DCDC2: variants seen among roughly 807,000 people sequenced by gnomAD.
DCDC2 encodes the protein doublecortin domain-containing protein 2.
Under a neutral mutation model 50.2 loss-of-function variants are expected in DCDC2, and 40 were observed. The ratio of observed to expected loss-of-function variants is 0.80; its 90% confidence interval spans 0.62 to 1.04. DCDC2 has a LOEUF of 1.04. DCDC2 is among the 50% of genes least tolerant of loss of function. The pLI, the probability that DCDC2 is intolerant of heterozygous loss-of-function variation, is 0.00. For synonymous variants in DCDC2, 234 were observed against 210.6 expected (o/e 1.11, Z -0.96); for missense variants, 570 against 581.9 (o/e 0.98, Z 0.21).
chr6:24,225,339 T>C (rs545640004), intron 7 of DCDC2, among the ~76,000 whole-genome samples: 3 of 152,138 alleles, frequency 2.0e-5, no homozygotes, highest in Non-Finnish European at 4.4e-5. Context: ...GTGCAATCCA[T>C]CTAGGAGAAG....
chr6:24,215,596 G>T (rs1761956085), intron 7 of DCDC2, among the ~76,000 whole-genome samples: 1 of 152,192 alleles, frequency 6.6e-6, no homozygotes. Flanking sequence ...CTGTAGAAAA[G>T]AATGCCTGAA....
intron 8 of DCDC2, among the ~76,000 whole-genome samples, 181 bp downstream of exon 8, chr6:24,204,821 T>G (rs1761672991): frequency 6.6e-6 from 1 of 150,844 alleles, no homozygotes; most frequent in Non-Finnish European, 1.5e-5. Context: ...ATGGCTATTC[T>G]TCACAGGAAT....
intron 2 of DCDC2, among the ~76,000 whole-genome samples, chr6:24,323,290 T>C (rs1489110508): frequency 6.6e-6 from 1 of 152,202 alleles, no homozygotes; most frequent in Non-Finnish European, 1.5e-5. Context: ...GGTAGTTTGG[T>C]AGTTTTCTAT....
At chr6:24,374,754 C>G in the DCDC2 span, among the ~76,000 whole-genome samples, 1 of 152,088 alleles carries the variant, frequency 6.6e-6, no homozygotes, top group African/African-American at 2.4e-5. Context: ...GAAAATCCAG[C>G]AGGCAAATAG....
chr6:24,319,897 T>C (rs1759741095), intron 2 of DCDC2, among the ~76,000 whole-genome samples: 1 of 152,044 alleles, frequency 6.6e-6, no homozygotes, highest in Admixed American at 6.6e-5. Flanking sequence ...TTTAGGACCA[T>C]GGCAAATAAT....
chr6:24,322,635 C>T (rs1759792792), intron 2 of DCDC2, among the ~76,000 whole-genome samples: 1 of 152,136 alleles, frequency 6.6e-6, no homozygotes, highest in Non-Finnish European at 1.5e-5. Flanking sequence ...TTGGTCCCCA[C>T]AATCCTTTGT....
the DCDC2 span, among the ~76,000 whole-genome samples, chr6:24,367,170 C>A: frequency 6.6e-6 from 1 of 152,152 alleles, no homozygotes; most frequent in Non-Finnish European, 1.5e-5. Flanking sequence ...ATTGCCAATT[C>A]GGCAAGAATG....
At chr6:24,210,019 G>GGGGTGTGTGTGTGT (rs1360438467) in intron 7 of DCDC2, among the ~76,000 whole-genome samples, 1 of 145,198 alleles carries the variant, frequency 6.9e-6, no homozygotes, top group Non-Finnish European at 1.5e-5. Context: ...GCAGTATCAG[G>GGGGTGTGTGTGTGT]GTGTGTGTGT....
In DCDC2 at chr6:24,300,170, G is replaced by T. The variant is rs546283422; in HGVS notation, c.557+1545C>A. On this transcript the variant is annotated intron_variant, in intron 4 of 9. Transcript: ENST00000378454. ...TTTGGGAGGCCAAGGCGGGCGGATT[G>T]CTTGACCCCAGGAGTTCAAGACCAG... Among the ~76,000 whole-genome samples the T allele has an allele frequency of 1.1e-4, 16 of 151,954 alleles. No homozygotes were observed. In the East Asian group the frequency reaches 2.9e-3, roughly 28 times the overall value.
intron 2 of DCDC2, among the ~76,000 whole-genome samples, chr6:24,323,812 G>C (rs2113853496): frequency 6.6e-6 from 1 of 152,150 alleles, no homozygotes; most frequent in South Asian, 2.1e-4. Context: ...GCTTACATTG[G>C]GTTTTGTTTT....
chr6:24,349,158 C>T (rs557109760), intron 2 of DCDC2, among the ~76,000 whole-genome samples: 44 of 152,312 alleles, frequency 2.9e-4, no homozygotes, highest in South Asian at 8.3e-4. Context: ...AGCAGAAGGA[C>T]GCTTCCATTT....
At chr6:24,201,144 C>T (rs765622400) in intron 8 of DCDC2, among the ~76,000 whole-genome samples, 2 of 151,982 alleles carry the variant, frequency 1.3e-5, no homozygotes, top group Non-Finnish European at 2.9e-5. Flanking sequence ...TCAGCTCAAC[C>T]AAGCAGACCT....
intron 8 of DCDC2, among the ~76,000 whole-genome samples, chr6:24,182,303 T>G (rs565147442): frequency 9.8e-4 from 149 of 152,080 alleles, no homozygotes; most frequent in Admixed American, 2.0e-3. Context: ...AAAAAATACA[T>G]AAATGGGACT....
chr6:24,349,366 C>T (rs2127253252), intron 2 of DCDC2, among the ~76,000 whole-genome samples: 1 of 152,296 alleles, frequency 6.6e-6, no homozygotes, highest in South Asian at 2.1e-4. Flanking sequence ...TTACTCTGCC[C>T]ACTGCATTGT....
chr6:24,216,485 G>A (rs528458909), intron 7 of DCDC2, among the ~76,000 whole-genome samples: 5 of 152,294 alleles, frequency 3.3e-5, no homozygotes, highest in East Asian at 3.9e-4. Flanking sequence ...CAGATTACAC[G>A]GGGTTGTGGT....
intron 7 of DCDC2, among the ~76,000 whole-genome samples, chr6:24,243,228 C>T (rs1199565317): frequency 2.0e-5 from 3 of 152,164 alleles, no homozygotes; most frequent in African/African-American, 7.2e-5. Flanking sequence ...CCTGGGCTTA[C>T]AAACATGTTG....
At chr6:24,358,924 T>TATATATTGC (rs1441255571), upstream of DCDC2, among the ~76,000 whole-genome samples, 2 of 55,558 alleles carry the variant, frequency 3.6e-5, no homozygotes, top group South Asian at 1.0e-3. Context: ...ATATATATTA[T>TATATATTGC]ATATTATATA....
chr6:24,324,855 C>A (rs539099862), intron 2 of DCDC2, among the ~76,000 whole-genome samples: 3 of 149,926 alleles, frequency 2.0e-5, no homozygotes, highest in Admixed American at 1.3e-4. Context: ...TGTATTCCCA[C>A]ATGGCTGACA....
intron 7 of DCDC2, among the ~76,000 whole-genome samples, chr6:24,251,282 A>G (rs1399819012): frequency 6.6e-6 from 1 of 152,198 alleles, no homozygotes; most frequent in African/African-American, 2.4e-5. Flanking sequence ...TTACTCCTTT[A>G]AAAGTGAACC....
Sources: gnomAD v4.1 joint callset for allele counts (sites outside exome capture counted in the v4.1 genomes callset) on GRCh38, gnomAD v4.1.1 for gene constraint, MANE v1.5 for transcripts, NCBI Gene and HGNC (gene_info 2026-07-23, HGNC 2026-07-21) for gene names.